The following STARD6 variants were observed in gnomAD, a reference collection of about 807,000 sequenced individuals.
The protein encoded by STARD6 is stAR-related lipid transfer protein 6.
A neutral mutation model predicts 22.3 loss-of-function variants in STARD6; 21 were observed. That is an observed-to-expected ratio of 0.94 (90% CI 0.67 to 1.35). The LOEUF is 1.35. Ranked by LOEUF, STARD6 falls within the 40% of genes most tolerant of loss-of-function variation. The probability of loss-of-function intolerance (pLI) is 0.00; values close to 1 mark genes in which losing one functional copy is unlikely to be tolerated. For synonymous variants in STARD6, 80 were observed against 88.1 expected (o/e 0.91, Z 0.52); for missense variants, 269 against 266.9 (o/e 1.01, Z -0.05).
At chr18:54,334,461 C>T (rs79559367) in intron 5 of STARD6, among the ~76,000 whole-genome samples, 8 of 152,092 alleles carry the variant, frequency 5.3e-5, no homozygotes, top group African/African-American at 1.2e-4. Context: ...CTTTGAGACT[C>T]TTGCAGAATC....
chr18:54,334,141 T>C (rs1391972573), intron 5 of STARD6, among the ~76,000 whole-genome samples: 1 of 152,232 alleles, frequency 6.6e-6, no homozygotes. Flanking sequence ...ATCTGATTCC[T>C]CTCTCCCTGC....
chr18:54,340,767 T>G (rs2088961949), intron 4 of STARD6, among the ~76,000 whole-genome samples: 1 of 152,160 alleles, frequency 6.6e-6, no homozygotes, highest in Admixed American at 6.5e-5. Context: ...CAAAGATACA[T>G]ATAGGTGAAT....
chr18:54,335,588 C>A (rs943141868), intron 5 of STARD6, among the ~76,000 whole-genome samples: 2 of 152,104 alleles, frequency 1.3e-5, no homozygotes, highest in African/African-American at 4.8e-5. Flanking sequence ...ACTTCTTCAT[C>A]CTTGTTTCTA....
chr18:54,335,277 C>A lies in STARD6; in HGVS notation c.267+1848G>T, dbSNP rs561637917. ...CGGCATGATCCTGGCTCACTGCAAC[C>A]TCCGCCTCCTTGGTTCAAGTGATTC... On this transcript the variant is annotated intron_variant, in intron 5 of 7. Coordinates refer to ENST00000307844, the MANE Select transcript of STARD6 (RefSeq NM_139171.2). Among the ~76,000 whole-genome samples the A allele has an allele frequency of 5.4e-4, 82 of 152,146 alleles. No homozygotes were observed. The South Asian group carries it at 0.016, about 29-fold the overall frequency.
chr18:54,335,662 G>A (rs2088904146), intron 5 of STARD6, among the ~76,000 whole-genome samples: 1 of 152,126 alleles, frequency 6.6e-6, no homozygotes, highest in Non-Finnish European at 1.5e-5. Flanking sequence ...GGATCAGCCT[G>A]GTGATTCGAT....
chr18:54,352,803 T>C (rs551060894), intron 4 of STARD6, among the ~76,000 whole-genome samples: 9 of 152,294 alleles, frequency 5.9e-5, no homozygotes, highest in Non-Finnish European at 1.3e-4. Context: ...TGTATAGCAC[T>C]CTCTAAATAA....
rs548162623 is a variant in STARD6 at position 54,338,745 on chromosome 18, T to G, written c.141-1494A>C. On this transcript the variant is annotated intron_variant, in intron 4 of 7. Transcript: ENST00000307844. ...AGGAGGCCTTATCATATAAAGATGT[T>G]GGAATTATCATGTAAAAAATTTGGA... Among the ~76,000 whole-genome samples the G allele has an allele frequency of 4.0e-5, 6 of 151,782 alleles. No individual in the cohort carries two copies. The East Asian group carries it at 1.2e-3, about 29-fold the overall frequency.
chr18:54,335,645 A>G (rs2088903830), intron 5 of STARD6, among the ~76,000 whole-genome samples: 1 of 152,114 alleles, frequency 6.6e-6, no homozygotes, highest in African/African-American at 2.4e-5. Flanking sequence ...TATGATGTTG[A>G]ATTGGAGGAT....
At chr18:54,331,589 A>G (rs1264205491) in intron 6 of STARD6, among the ~76,000 whole-genome samples, 153 bp downstream of exon 6, 1 of 152,216 alleles carries the variant, frequency 6.6e-6, no homozygotes, top group Non-Finnish European at 1.5e-5. Context: ...GTCACTAGGC[A>G]TATCTACATG....
At chr18:54,347,933 T>C (rs1465890299) in intron 4 of STARD6, among the ~76,000 whole-genome samples, 1 of 152,162 alleles carries the variant, frequency 6.6e-6, no homozygotes, top group Non-Finnish European at 1.5e-5. Context: ...TGGTGGAAGA[T>C]AATTGAATCA....
chr18:54,325,109 T>C (rs1674685271), intron 7 of STARD6, among the ~76,000 whole-genome samples: 1 of 152,146 alleles, frequency 6.6e-6, no homozygotes, highest in African/African-American at 2.4e-5. Context: ...ATGCTTATTA[T>C]GAAAATTTAA....
intron 1 of STARD6, among the ~76,000 whole-genome samples, 174 bp downstream of exon 1, chr18:54,357,618 C>G (rs913166015): frequency 6.6e-6 from 1 of 152,150 alleles, no homozygotes; most frequent in Non-Finnish European, 1.5e-5. Flanking sequence ...AGTCTCCCTC[C>G]CCACCCAGTC....
chr18:54,352,949 C>G (rs979602948), intron 4 of STARD6, among the ~76,000 whole-genome samples: 3 of 152,170 alleles, frequency 2.0e-5, no homozygotes, highest in African/African-American at 4.8e-5. Context: ...CCTAGTGTAC[C>G]TAGGCTTGAC....
At chr18:54,337,605 C>T (rs1388139033) in intron 4 of STARD6, among the ~76,000 whole-genome samples, 1 of 152,198 alleles carries the variant, frequency 6.6e-6, no homozygotes, top group Non-Finnish European at 1.5e-5. Flanking sequence ...TGAAACATAG[C>T]CACACTCATT....
At chr18:54,342,442 T>G (rs917349097) in intron 4 of STARD6, among the ~76,000 whole-genome samples, 18 of 145,130 alleles carry the variant, frequency 1.2e-4, no homozygotes, top group African/African-American at 4.7e-4. Flanking sequence ...TCCCTCTCCC[T>G]CTCCCTCTCC....
At chr18:54,332,961 GA>G (rs1254775769) in intron 5 of STARD6, among the ~76,000 whole-genome samples, 1 of 152,094 alleles carries the variant, frequency 6.6e-6, no homozygotes, top group African/African-American at 2.4e-5. Flanking sequence ...TCCTGGAGAT[GA>G]ATACTACAAA....
intron 7 of STARD6, among the ~76,000 whole-genome samples, chr18:54,327,989 G>T (rs767128083): frequency 1.3e-5 from 2 of 152,116 alleles, no homozygotes; most frequent in Admixed American, 1.3e-4. Context: ...ACACCGTCCT[G>T]CTCTGTCCCA....
intron 1 of STARD6, among the ~76,000 whole-genome samples, chr18:54,357,436 G>A (rs904618644): frequency 1.3e-5 from 2 of 152,170 alleles, no homozygotes; most frequent in African/African-American, 4.8e-5. Context: ...TGAGAGGAAA[G>A]GCACTGAAGA....
chr18:54,354,072 C>A lies in STARD6; in HGVS notation c.122G>T (p.Arg41Ile). Residue 41 changes from arginine to isoleucine, a missense_variant, in exon 4 of 8, where the codon AGA becomes ATA. Transcript: ENST00000307844. Reference protein sequence around the residue: ...KKITVSSKASRKFHGNLYRVE... With the variant: ...KKITVSSKASIKFHGNLYRVE... ...TACTCACAGATTTCCATGGAATTTT[C>A]TAGAAGCCTTACTGGAAACAGTTAT... 6.4e-7 allele frequency: 1 copy of A among 1,567,916 alleles called. No homozygotes were observed. The highest frequency in any genetic ancestry group is 1.2e-5 in the South Asian group (1 of 81,178).
Sources: allele counts gnomAD v4.1 joint callset (sites outside exome capture counted in the v4.1 genomes callset), GRCh38; gene constraint gnomAD v4.1.1; transcripts MANE v1.5; gene names NCBI Gene and HGNC (gene_info 2026-07-23, HGNC 2026-07-21).